The following LRRCC1 variants were observed in gnomAD, a reference collection of about 807,000 sequenced individuals.
LRRCC1 encodes leucine-rich repeat and coiled-coil domain-containing protein 1.
In LRRCC1, 115 loss-of-function variants were observed where a neutral mutation model predicts 126.0. The ratio of observed to expected loss-of-function variants is 0.91; its 90% CI spans 0.78 to 1.07. The LOEUF (loss-of-function observed/expected upper bound fraction) is 1.07. Among genes scored for constraint, LRRCC1 ranks in the 50% least tolerant of loss-of-function variants. The pLI, the probability that LRRCC1 is intolerant of heterozygous loss-of-function variation, is 0.00. For missense variants in LRRCC1, 1,172 were observed against 1,175.7 expected (o/e 1.00, Z 0.05); for synonymous variants, 400 against 393.4 (o/e 1.02, Z -0.20).
chr8:85,141,535 C>T lies in LRRCC1; in HGVS notation c.2976+18C>T, dbSNP rs747062092. On this transcript the variant is annotated intron_variant, in intron 18 of 18. Transcript: ENST00000360375. ...ATTTAAAGGTATTGTAAGTAAAATT[C>T]ACTTCAATAATCAGTATATTACATG... is the stretch of plus-strand genomic sequence containing the variant. 1.3e-6 allele frequency: 2 copies of T among 1,566,688 alleles called. No individual in the cohort carries two copies. Among genetic ancestry groups the T allele is most frequent in the Admixed American group, 1.8e-5 (1 of 55,842 alleles).
chr8:85,110,154 CT>C lies in LRRCC1; in HGVS notation c.352del (p.Tyr118IlefsTer4). The C allele has an allele frequency of 7.6e-7, 1 of 1,320,454 alleles. No individual in the cohort carries two copies. The highest frequency in any genetic ancestry group is 1.0e-6 in the Non-Finnish European group (1 of 959,506). The allele number at this position is 1,320,454 out of a possible 1,614,324, so 81.8% of individuals were successfully genotyped here. A position where few individuals can be genotyped will look rare whatever the true frequency, so the allele number is the denominator to read the frequency against. ...ATTAATCTGACTAGACTAAATGTATCTTATAACCACATAGATGATCTTAGTG... is the reference window on the plus strand; with the variant it reads ...ATTAATCTGACTAGACTAAATGTATCTATAACCACATAGATGATCTTAGTG... Reference protein sequence around the residue: ...ELINLTRLNVSYNHIDDLSGL... With the variant: ...ELINLTRLNVXYNHIDDLSGL... On this transcript the variant is annotated frameshift_variant, in exon 3 of 19. Transcript: ENST00000360375. LOFTEE classifies it high-confidence loss of function.
At position 85,137,595 on chromosome 8, in the gene LRRCC1, G is replaced by A. The variant is rs375788989; in HGVS notation, c.2461G>A (p.Asp821Asn). 8.1e-6 allele frequency: 12 copies of A among 1,477,502 alleles called. No individual in the cohort carries two copies. Among genetic ancestry groups the A allele is most frequent in the East Asian group, 5.1e-5 (2 of 38,908 alleles). The allele number at this position is 1,477,502 out of a possible 1,614,324, so 91.5% of individuals were successfully genotyped here. Residue 821 changes from aspartate to asparagine, a missense_variant, in exon 15 of 19, where the codon GAC becomes AAC. Asp to Asn is a conservative substitution (Grantham distance 23). Transcript: ENST00000360375. ...AAGAATAAAGTGCAAAATCATAGAC[G>A]ACCAAACTGAAACTATTAGAAAATT... ...ALRIKCKIID[D>N]QTETIRKLKD...
At chr8:85,127,848 T>C (rs1393721027) in intron 9 of LRRCC1, among the ~76,000 whole-genome samples, 1 of 152,250 alleles carries the variant, frequency 6.6e-6, no homozygotes, top group East Asian at 1.9e-4. Context: ...TTGTGTTTTA[T>C]AAATGTCTGT....
intron 6 of LRRCC1, among the ~76,000 whole-genome samples, chr8:85,121,539 T>C (rs1188706580): frequency 6.6e-6 from 1 of 152,192 alleles, no homozygotes; most frequent in Non-Finnish European, 1.5e-5. Flanking sequence ...CCTTCTGGGT[T>C]CAAGCAATTC....
At chr8:85,119,010 C>T (rs1442383344) in intron 6 of LRRCC1, among the ~76,000 whole-genome samples, 1 of 151,914 alleles carries the variant, frequency 6.6e-6, no homozygotes, top group Non-Finnish European at 1.5e-5. Flanking sequence ...GATCTGTATA[C>T]ATATATGGTT....
Position 85,109,759 on chromosome 8 carries a change from G to A in LRRCC1, c.269G>A (p.Cys90Tyr), listed in dbSNP as rs62525422. ...IEGLNTLTKL[C>Y]TLNLSCNLIT... ...GGACTAAACACACTGACAAAACTGT[G>A]CACATTAAATTTGTCCTGCAATTTG... The change falls in exon 2 of 19, where the codon TGC becomes TAC. Residue 90 changes from cysteine (C) to tyrosine (Y), a missense_variant. Cys to Tyr is a radical substitution (Grantham distance 194). Transcript: ENST00000360375. 158,165 of 1,589,296 alleles carry A rather than the reference G, an allele frequency of 0.1. 8,556 individuals are homozygous for A. The highest frequency in any genetic ancestry group is 0.12 in the South Asian group (10,436 of 87,598).
At chr8:85,117,738 A>G (rs1247670406) in intron 6 of LRRCC1, among the ~76,000 whole-genome samples, 2 of 152,066 alleles carry the variant, frequency 1.3e-5, no homozygotes, top group African/African-American at 4.8e-5. Context: ...CAGTATATCC[A>G]CCAACCAGAT....
intron 4 of LRRCC1, among the ~76,000 whole-genome samples, chr8:85,114,776 GCTTC>G (rs984164284): frequency 1.3e-5 from 2 of 151,998 alleles, no homozygotes; most frequent in Admixed American, 1.3e-4. Flanking sequence ...GACATGTTTA[GCTTC>G]CTTCCTAGAA....
chr8:85,132,149 CTAAG>C (rs1810516164), intron 12 of LRRCC1, among the ~76,000 whole-genome samples, 188 bp downstream of exon 12: 1 of 152,154 alleles, frequency 6.6e-6, no homozygotes, highest in Non-Finnish European at 1.5e-5. Flanking sequence ...CTTGCAAAAA[CTAAG>C]TAAGATTATA....
intron 17 of LRRCC1, 120 bp downstream of exon 17, chr8:85,138,595 A>C: frequency 9.7e-7 from 1 of 1,033,284 alleles, no homozygotes; most frequent in Non-Finnish European, 1.4e-6. Context: ...TTTGCCAAGA[A>C]GTTTATTTCC....
chr8:85,112,877 T>C, intron 3 of LRRCC1, 55 bp from the exon 4 acceptor site: 1 of 1,282,564 alleles, frequency 7.8e-7, no homozygotes, highest in Non-Finnish European at 1.1e-6. Context: ...TATTTCTAAT[T>C]AGCTATTGGA....
chr8:85,125,489 T>A (rs1013407384), intron 8 of LRRCC1, among the ~76,000 whole-genome samples: 31 of 150,044 alleles, frequency 2.1e-4, no homozygotes, highest in Middle Eastern at 3.4e-3. Context: ...CCGGCTAAAA[T>A]GGTGAAACCC....
chr8:85,109,646 CA>C lies in LRRCC1; in HGVS notation c.158del (p.Asn53IlefsTer18), dbSNP rs1189735139. 2.4e-5 allele frequency: 38 copies of C among 1,611,434 alleles called. No homozygotes were observed. Among genetic ancestry groups the C allele is most frequent in the Non-Finnish European group, 3.1e-5 (37 of 1,178,230 alleles). On this transcript the variant is annotated frameshift_variant, in exon 2 of 19. Transcript: ENST00000360375. LOFTEE classifies it high-confidence loss of function. ...CTCTTCATGCCGTCAATCTTCATTG[CA>C]ATAACATCTCCAAGATCGAAGCCAT... ...STLHAVNLHC[N>X]NISKIEAIDH...
chr8:85,112,436 A>G (rs1310048309), intron 3 of LRRCC1, among the ~76,000 whole-genome samples: 5 of 152,230 alleles, frequency 3.3e-5, no homozygotes, highest in Non-Finnish European at 7.3e-5. Flanking sequence ...CTGAAGTCCA[A>G]GGTGGGCCAG....
chr8:85,129,373 A>G lies in LRRCC1; in HGVS notation c.1620A>G (p.Ala540=). Residue 540 remains alanine (A), a synonymous_variant, in exon 10 of 19, where the codon GCA becomes GCG. Coordinates refer to ENST00000360375, the MANE Select transcript of LRRCC1 (RefSeq NM_033402.5). Reference sequence around the variant, plus strand: ...AGAGACAAAAAAGGCAGCAGCAGGCAGCACAGGTATTTCTCTATTTTAATA... The same window carrying G: ...AGAGACAAAAAAGGCAGCAGCAGGCGGCACAGGTATTTCTCTATTTTAATA... The part of the protein sequence containing the change: ...KMERQKRQQQ[A]AQIRLIQEVE... The G allele has an allele frequency of 1.9e-6, 3 of 1,605,980 alleles. No homozygotes were observed. Among genetic ancestry groups the G allele is most frequent in the South Asian group, 1.1e-5 (1 of 88,708 alleles).
chr8:85,107,275 C>T lies in LRRCC1; in HGVS notation c.-21C>T. 1 of 1,599,390 alleles carries T rather than the reference C, an allele frequency of 6.3e-7. No homozygotes were observed. The highest frequency in any genetic ancestry group is 8.5e-7 in the Non-Finnish European group (1 of 1,172,742). ...CCCTCGCTGGGTGCCGGTTAAGACC[C>T]CGCTCCCCGTCGCCAGTGCTATGGA... is the stretch of plus-strand genomic sequence containing the variant. On this transcript the variant is annotated 5_prime_UTR_variant, in exon 1 of 19. Coordinates refer to ENST00000360375, the MANE Select transcript of LRRCC1 (RefSeq NM_033402.5).
chr8:85,107,276 C>G lies in LRRCC1; in HGVS notation c.-20C>G. ...CCTCGCTGGGTGCCGGTTAAGACCC[C>G]GCTCCCCGTCGCCAGTGCTATGGAG... On this transcript the variant is annotated 5_prime_UTR_variant, in exon 1 of 19. Transcript: ENST00000360375. The G allele has an allele frequency of 1.2e-6, 2 of 1,600,060 alleles. No individual in the cohort carries two copies. Among genetic ancestry groups the G allele is most frequent in the Admixed American group, 1.7e-5 (1 of 57,522 alleles).
intron 18 of LRRCC1, among the ~76,000 whole-genome samples, chr8:85,144,155 C>T (rs1276493896): frequency 6.6e-6 from 1 of 151,946 alleles, no homozygotes; most frequent in Non-Finnish European, 1.5e-5. Context: ...TATATAACCA[C>T]CAACAGTGTT....
rs1255077482 is a variant in LRRCC1, at chr8:85,142,363, G to T, written c.2976+846G>T. On this transcript the variant is annotated intron_variant, in intron 18 of 18. Transcript: ENST00000360375. ...TCACTAAGTCTGGAGTCAGACTCAGGTATTTTTTTAATTCCACAGGTGATT... is the reference window on the plus strand; with the variant it reads ...TCACTAAGTCTGGAGTCAGACTCAGTTATTTTTTTAATTCCACAGGTGATT... 2.0e-5 allele frequency among the ~76,000 whole-genome samples: 3 copies of T among 152,206 alleles called. No homozygotes were observed. The East Asian group carries it at 5.8e-4, about 29-fold the overall frequency.
Sources: gnomAD v4.1 joint callset for allele counts (sites outside exome capture counted in the v4.1 genomes callset) on GRCh38, gnomAD v4.1.1 for gene constraint, MANE v1.5 for transcripts, NCBI Gene and HGNC (gene_info 2026-07-23, HGNC 2026-07-21) for gene names.